SPIC: variants seen among roughly 807,000 people sequenced by gnomAD.
The protein encoded by SPIC is Spi-C transcription factor.
A neutral mutation model predicts 16.7 loss-of-function variants in SPIC; 9 were observed. That is an observed-to-expected ratio of 0.54 (90% confidence interval 0.33 to 0.94). SPIC has a LOEUF of 0.94. SPIC is among the 40% of genes least tolerant of loss of function. The probability of loss-of-function intolerance (pLI) is 0.03; values close to 1 mark genes in which losing one functional copy is unlikely to be tolerated. For synonymous variants in SPIC, 97 were observed against 102.9 expected (o/e 0.94, Z 0.35); for missense variants, 241 against 285.8 (o/e 0.84, Z 1.13).
rs140046497 is a variant in SPIC, at chr12:101,483,406, C to T, written c.319+506C>T. ...GAGCTGTCATCTCCTATGATAACAG[C>T]GCCTTCTGGAATACCTGTTGAAGAA... On this transcript the variant is annotated intron_variant, in intron 5 of 5. Coordinates refer to ENST00000551346, the MANE Select transcript of SPIC (RefSeq NM_152323.3). Among the ~76,000 whole-genome samples the T allele has an allele frequency of 6.5e-3, 995 of 152,068 alleles. 8 individuals carry two copies. The highest frequency in any genetic ancestry group is 0.023 in the African/African-American group (947 of 41,460).
chr12:101,479,251 AAAGAAGGAAG>A (rs1873087537), intron 3 of SPIC, among the ~76,000 whole-genome samples: 3 of 103,224 alleles, frequency 2.9e-5, no homozygotes, highest in South Asian at 6.4e-4. Flanking sequence ...AAAAAGAAAG[AAAGAAGGAAG>A]GAAAGAAAGA....
At position 101,475,500 on chromosome 12, in the gene SPIC, C is replaced by T. The variant is rs1194304473; in HGVS notation, c.-80C>T. 4 of 151,944 alleles carry T rather than the reference C, an allele frequency of 2.6e-5. No homozygotes were observed. Among genetic ancestry groups the T allele is most frequent in the African/African-American group, 9.7e-5 (4 of 41,374 alleles). The allele number at this position is 151,944 out of a possible 1,614,324, so 9.4% of individuals were successfully genotyped here. ...CTCTATAAAGGGTTGAAGTGTCTTC[C>T]CGGTAAGTTCTCAGCTTATGTTTTT... On this transcript the variant is annotated splice_region_variant and 5_prime_UTR_variant, in exon 1 of 6. Coordinates refer to ENST00000551346, the MANE Select transcript of SPIC (RefSeq NM_152323.3).
chr12:101,479,307 A>AAAGAAAGAAAG (rs1555209048), intron 3 of SPIC, among the ~76,000 whole-genome samples: 1 of 88,160 alleles, frequency 1.1e-5, no homozygotes, highest in Non-Finnish European at 2.1e-5. Flanking sequence ...AAAGAAAGAA[A>AAAGAAAGAAAG]AAAGAAAGAA....
At chr12:101,479,266 G>GAAAGAAAGAA (rs1565831243) in intron 3 of SPIC, among the ~76,000 whole-genome samples, 3 of 62,722 alleles carry the variant, frequency 4.8e-5, no homozygotes, top group Non-Finnish European at 9.7e-5. Context: ...AGGAAGGAAA[G>GAAAGAAAGAA]AAAGAAAGAA....
chr12:101,486,512 C>T lies in SPIC; in HGVS notation c.488C>T (p.Thr163Ile), dbSNP rs151030484. Residue 163 changes from threonine to isoleucine, a missense_variant, in exon 6 of 6, where the codon ACC becomes ATC. Transcript: ENST00000551346. ...GGGAAAAGAAAAGGCAACAGGAAGA[C>T]CATGACTTACCAGAAAATGGCCAGG... ...LWGKRKGNRKTMTYQKMARAL... is the reference protein window; with the variant it reads ...LWGKRKGNRKIMTYQKMARAL... The T allele has an allele frequency of 1.9e-6, 3 of 1,613,986 alleles. No homozygotes were observed. Among genetic ancestry groups the T allele is most frequent in the African/African-American group, 2.7e-5 (2 of 74,878 alleles).
chr12:101,476,935 A>G, intron 2 of SPIC, 28 bp downstream of exon 2: 1 of 1,436,630 alleles, frequency 7.0e-7, no homozygotes, highest in Non-Finnish European at 9.3e-7. Flanking sequence ...TATTTTCTTT[A>G]CTCTGTCCAC....
In SPIC at chr12:101,486,636, C is replaced by T. The variant is rs1425619965; in HGVS notation, c.612C>T (p.Ser204=). The stretch of plus-strand genomic sequence containing the variant: ...CCATTCTCCAAAGACTCTCTCCATC[C>T]TATTTCCTGGGGAAAGAGATCTTCT... The part of the protein sequence containing the change: ...SEAILQRLSP[S]YFLGKEIFYS... The change falls in exon 6 of 6, where the codon TCC becomes TCT. Residue 204 remains serine, a synonymous_variant. Transcript: ENST00000551346. 4 of 1,613,986 alleles carry T rather than the reference C, an allele frequency of 2.5e-6. No homozygotes were observed. Among genetic ancestry groups the T allele is most frequent in the African/African-American group, 1.3e-5 (1 of 75,032 alleles).
In SPIC at chr12:101,486,454, T is replaced by C. The variant is rs370784101; in HGVS notation, c.430T>C (p.Ser144Pro). 1.9e-6 allele frequency: 3 copies of C among 1,614,000 alleles called. No individual in the cohort carries two copies. The African/African-American group carries it at 4.0e-5, about 22-fold the overall frequency. The change falls in exon 6 of 6, where the codon TCA becomes CCA. Residue 144 changes from serine to proline, a missense_variant. By Grantham distance (74) the Ser-to-Pro change is moderately conservative. Coordinates refer to ENST00000551346, the MANE Select transcript of SPIC (RefSeq NM_152323.3). ...DKTKGIFQFV[S>P]KNKEKLAELW... ...AACCAAAGGCATCTTTCAGTTTGTATCAAAAAACAAAGAAAAACTTGCCGA... is the reference window on the plus strand; with the variant it reads ...AACCAAAGGCATCTTTCAGTTTGTACCAAAAAACAAAGAAAAACTTGCCGA...
intron 4 of SPIC, among the ~76,000 whole-genome samples, chr12:101,482,589 G>T (rs1298860130): frequency 2.0e-5 from 3 of 152,040 alleles, no homozygotes; most frequent in Non-Finnish European, 4.4e-5. Flanking sequence ...CAAAGCCAAG[G>T]ATTACCCTCT....
At position 101,477,526 on chromosome 12, in the gene SPIC, A is replaced by T; in HGVS notation, c.4-32A>T. On this transcript the variant is annotated intron_variant, in intron 2 of 5. Transcript: ENST00000551346. ...GAGATTAAGTTTAATTGGTAATTCG[A>T]AAACTCCAGAATTCTATCATTGTTC... 3 of 1,596,954 alleles carry T rather than the reference A, an allele frequency of 1.9e-6. No individual in the cohort carries two copies. The South Asian group carries it at 3.3e-5, about 18-fold the overall frequency.
In SPIC at chr12:101,486,814, T is replaced by G; in HGVS notation, c.*43T>G. 3.5e-6 allele frequency: 5 copies of G among 1,437,372 alleles called. No individual in the cohort carries two copies. Among genetic ancestry groups the G allele is most frequent in the Non-Finnish European group, 3.7e-6 (4 of 1,076,962 alleles). The allele number at this position is 1,437,372 out of a possible 1,614,324, so 89.0% of individuals were successfully genotyped here. ...ATGGTTTACTGGCATCGGAAATCTC[T>G]ACAAGTTTTAATGATTTCTCCCTCC... is the stretch of plus-strand genomic sequence containing the variant. On this transcript the variant is annotated 3_prime_UTR_variant, in exon 6 of 6. Transcript: ENST00000551346.
intron 4 of SPIC, among the ~76,000 whole-genome samples, chr12:101,481,933 A>AT (rs369010642): frequency 0.05 from 6,645 of 132,482 alleles, 223 homozygotes; most frequent in African/African-American, 0.085. Flanking sequence ...GATTACAGGC[A>AT]TGAGCCACCA....
chr12:101,481,078 C>G (rs1352942879), intron 4 of SPIC, among the ~76,000 whole-genome samples: 2 of 152,214 alleles, frequency 1.3e-5, no homozygotes, highest in Non-Finnish European at 2.9e-5. Flanking sequence ...AGCCCAGCCC[C>G]TTCCGGTGTT....
intron 5 of SPIC, 60 bp from the exon 6 acceptor site, chr12:101,486,284 C>T (rs1873362274): frequency 6.6e-7 from 1 of 1,512,758 alleles, no homozygotes; most frequent in East Asian, 2.3e-5. Flanking sequence ...CAAACCCTTT[C>T]TGAGGATGTT....
At chr12:101,478,027 TTTTTTC>T (rs1873013530) in intron 3 of SPIC, among the ~76,000 whole-genome samples, 3 of 150,816 alleles carry the variant, frequency 2.0e-5, no homozygotes, top group Admixed American at 6.6e-5. Flanking sequence ...TTCTTTTTTC[TTTTTTC>T]TTTTTTTTTT....
At position 101,476,475 on chromosome 12, in the gene SPIC, C is replaced by A. The variant is rs560964878; in HGVS notation, c.-77-353C>A. Among the ~76,000 whole-genome samples, 3 of 152,076 alleles carry A rather than the reference C, an allele frequency of 2.0e-5. No individual in the cohort carries two copies. In the South Asian group the frequency reaches 6.2e-4, roughly 32 times the overall value. On this transcript the variant is annotated intron_variant, in intron 1 of 5. Transcript: ENST00000551346. Reference sequence around the variant, plus strand: ...TTAAAAAAGCCCTATTTTTATAAAGCTATGCTAAGGTAAAAAGGATTTTGA... The same window carrying A: ...TTAAAAAAGCCCTATTTTTATAAAGATATGCTAAGGTAAAAAGGATTTTGA...
chr12:101,482,966 G>C (rs1351795753), intron 5 of SPIC, 66 bp downstream of exon 5: 1 of 1,395,442 alleles, frequency 7.2e-7, no homozygotes, highest in Non-Finnish European at 1.0e-6. Context: ...TGCTTTAAAG[G>C]GATTTTATAA....
chr12:101,483,620 C>CT (rs1415627804), intron 5 of SPIC, among the ~76,000 whole-genome samples: 1 of 151,032 alleles, frequency 6.6e-6, no homozygotes, highest in Non-Finnish European at 1.5e-5. Context: ...TCTTTTTTTT[C>CT]TTTTTTTTAA....
rs1565831147 is a variant in SPIC at position 101,479,227 on chromosome 12, A to AGAAAGAAAGAAG, written c.98-344_98-343insGGAAAGAAAGAA. On this transcript the variant is annotated intron_variant, in intron 3 of 5. Transcript: ENST00000551346. ...AAGAAAGAAAGAAAGAAAGAAGGAA[A>AGAAAGAAAGAAG]GAAAGAAAGAAAGAAAAAGAAAGAA... Among the ~76,000 whole-genome samples the AGAAAGAAAGAAG allele has an allele frequency of 7.0e-4, 78 of 110,722 alleles. 1 individual carries two copies. Among genetic ancestry groups the AGAAAGAAAGAAG allele is most frequent in the East Asian group, 1.7e-3 (7 of 4,206 alleles). The allele number at this position is 110,722 out of a possible 152,430, so 72.6% of individuals were successfully genotyped here.
Sources: gnomAD v4.1 joint callset for allele counts (sites outside exome capture counted in the v4.1 genomes callset) on GRCh38, gnomAD v4.1.1 for gene constraint, MANE v1.5 for transcripts, NCBI Gene and HGNC (gene_info 2026-07-23, HGNC 2026-07-21) for gene names.